The following STARD7 variants were observed in gnomAD, a reference collection of about 807,000 sequenced individuals.
The protein encoded by STARD7 is stAR-related lipid transfer protein 7, mitochondrial.
In STARD7, 30 loss-of-function variants were observed where a neutral mutation model predicts 45.3. The observed-to-expected ratio is 0.66, with a 90% confidence interval of 0.50 to 0.90. The LOEUF (loss-of-function observed/expected upper bound fraction) is 0.90, where lower values mean the gene tolerates loss of function less well. Among genes scored for constraint, STARD7 ranks in the 40% least tolerant of loss-of-function variants. The pLI is 0.00. For missense variants in STARD7, 495 were observed against 491.3 expected, an observed-to-expected ratio of 1.01 and a Z score of -0.07; for synonymous variants, 199 against 183.0, an observed-to-expected ratio of 1.09 and a Z score of -0.70.
intron 1 of STARD7, among the ~76,000 whole-genome samples, chr2:96,204,504 G>C (rs1048000534): frequency 6.6e-6 from 1 of 151,970 alleles, no homozygotes; most frequent in Non-Finnish European, 1.5e-5. Context: ...GCAGTGAGCC[G>C]AGATCATGCC....
chr2:96,195,420 A>C lies in STARD7; in HGVS notation c.420T>G (p.Arg140=), dbSNP rs138732894. The C allele has an allele frequency of 1.9e-6, 3 of 1,611,654 alleles. No individual in the cohort carries two copies. In the African/African-American group the frequency reaches 4.0e-5, roughly 21 times the overall value. ...GTTTCTTATCCATCACCATTTCCCAACGTTGCTCTTTGCCCTCTGAATCTT... is the reference window on the plus strand; with the variant it reads ...GTTTCTTATCCATCACCATTTCCCACCGTTGCTCTTTGCCCTCTGAATCTT... ...GNEDSEGKEQ[R]WEMVMDKKHF... is the part of the protein sequence containing the mutation. The change falls in exon 2 of 8, where the codon CGT becomes CGG. Residue 140 remains arginine, a synonymous_variant. Transcript: ENST00000337288.
At chr2:96,203,892 G>C (rs1214500723) in intron 1 of STARD7, among the ~76,000 whole-genome samples, 3 of 152,130 alleles carry the variant, frequency 2.0e-5, no homozygotes, top group African/African-American at 7.2e-5. Flanking sequence ...CTTGAAACCA[G>C]GAGGTGGATG....
At chr2:96,193,430 C>T in intron 3 of STARD7, 78 bp from the exon 4 acceptor site, 1 of 909,734 alleles carries the variant, frequency 1.1e-6, no homozygotes, top group Middle Eastern at 2.2e-4. Context: ...ATGCTTTGGT[C>T]TCTGATCCAA....
At chr2:96,192,889 A>C (rs1683146881) in intron 5 of STARD7, among the ~76,000 whole-genome samples, 189 bp downstream of exon 5, 1 of 152,212 alleles carries the variant, frequency 6.6e-6, no homozygotes, top group South Asian at 2.1e-4. Flanking sequence ...AGTTTAACTA[A>C]AAGCTTGTAT....
chr2:96,190,958 G>GT lies in STARD7; in HGVS notation c.843+1410dup, dbSNP rs1445078215. Among the ~76,000 whole-genome samples the GT allele has an allele frequency of 3.9e-5, 6 of 152,126 alleles. No individual in the cohort carries two copies. The East Asian group carries it at 1.2e-3, about 29-fold the overall frequency. On this transcript the variant is annotated intron_variant, in intron 6 of 7. Coordinates refer to ENST00000337288, the MANE Select transcript of STARD7 (RefSeq NM_020151.4). ...GTGGGAGGATTGCTTGAGTCCAGGA[G>GT]TTTGAGACCAGCCTGCGCAGCATGG...
chr2:96,202,221 T>C (rs1272201958), intron 1 of STARD7, among the ~76,000 whole-genome samples: 1 of 152,124 alleles, frequency 6.6e-6, no homozygotes, highest in Non-Finnish European at 1.5e-5. Flanking sequence ...ATCTTGAAGA[T>C]AACACAAAGG....
rs1386483090 is a variant in STARD7, at chr2:96,184,880, T to C, written c.*1850A>G. The C allele has an allele frequency of 3.3e-5, 5 of 152,234 alleles. No homozygotes were observed. The highest frequency in any genetic ancestry group is 1.2e-4 in the African/African-American group (5 of 41,056). 9.4% of individuals were successfully genotyped at this position (152,234 alleles called of 1,614,324 possible). A position where few individuals can be genotyped will look rare whatever the true frequency, so the allele number is the denominator to read the frequency against. ...ACACTTTTTTTTGTACCAATCTTTA[T>C]GTATTTATTCACACATTTGATAAAA... On this transcript the variant is annotated 3_prime_UTR_variant, in exon 8 of 8. Coordinates refer to ENST00000337288, the MANE Select transcript of STARD7 (RefSeq NM_020151.4).
chr2:96,190,650 AT>A (rs925248913), intron 6 of STARD7, among the ~76,000 whole-genome samples: 7 of 146,364 alleles, frequency 4.8e-5, no homozygotes, highest in South Asian at 2.2e-4. Context: ...TTTATTTTTT[AT>A]TTTTTTTTTG....
At position 96,208,477 on chromosome 2, in the gene STARD7, G is replaced by A. The variant is rs1052563052; in HGVS notation, c.-43C>T. ...CCGCCGCGAGCTTCCGGGGCCCAAG[G>A]AACCAGTCCGGAGGGGCGCAGGCGG... On this transcript the variant is annotated 5_prime_UTR_variant, in exon 1 of 8. Coordinates refer to ENST00000337288, the MANE Select transcript of STARD7 (RefSeq NM_020151.4). The A allele has an allele frequency of 7.9e-5, 107 of 1,356,466 alleles. No homozygotes were observed. The highest frequency in any genetic ancestry group is 2.7e-4 in the Middle Eastern group (1 of 3,670). 84.0% of individuals were successfully genotyped at this position (1,356,466 alleles called of 1,614,324 possible).
At chr2:96,195,840 G>T in intron 1 of STARD7, among the ~76,000 whole-genome samples, 1 of 151,914 alleles carries the variant, frequency 6.6e-6, no homozygotes, top group East Asian at 1.9e-4. Flanking sequence ...AGTGCTGCAG[G>T]GCGTGGTGGC....
At chr2:96,205,938 C>G (rs1683381417) in intron 1 of STARD7, among the ~76,000 whole-genome samples, 1 of 152,108 alleles carries the variant, frequency 6.6e-6, no homozygotes, top group South Asian at 2.1e-4. Flanking sequence ...TAAATGAGGG[C>G]CTTTACTATA....
At position 96,202,656 on chromosome 2, in the gene STARD7, T is replaced by A. The variant is rs566270518; in HGVS notation, c.290+5489A>T. Among the ~76,000 whole-genome samples the A allele has an allele frequency of 2.9e-4, 44 of 152,194 alleles. No homozygotes were observed. In the South Asian group the frequency reaches 4.8e-3, roughly 16 times the overall value. On this transcript the variant is annotated intron_variant, in intron 1 of 7. Coordinates refer to ENST00000337288, the MANE Select transcript of STARD7 (RefSeq NM_020151.4). The stretch of plus-strand genomic sequence containing the variant: ...CTTGAGTGTCATTCTTTAAAAAAAA[T>A]TTTTTTCTTCATTGCCCAAGCTGGC...
chr2:96,197,431 T>C (rs1192005843), intron 1 of STARD7, among the ~76,000 whole-genome samples: 1 of 152,096 alleles, frequency 6.6e-6, no homozygotes, highest in African/African-American at 2.4e-5. Flanking sequence ...TAAAATAAAA[T>C]AAAGTGTTTG....
In STARD7 at chr2:96,186,662, C is replaced by A; in HGVS notation, c.*68G>T. On this transcript the variant is annotated 3_prime_UTR_variant, in exon 8 of 8. Transcript: ENST00000337288. ...CTAATACATGTGGCATGTCCCCCTT[C>A]TACAGCAGAGTGATAACGGACTGAG... 7.7e-7 allele frequency: 1 copy of A among 1,296,468 alleles called. No homozygotes were observed. Among genetic ancestry groups the A allele is most frequent in the Non-Finnish European group, 1.1e-6 (1 of 944,474 alleles). 80.3% of individuals were successfully genotyped at this position (1,296,468 alleles called of 1,614,324 possible). A position where few individuals can be genotyped will look rare whatever the true frequency, so the allele number is the denominator to read the frequency against.
In STARD7 at chr2:96,208,395, T is replaced by A. The variant is rs1408067953; in HGVS notation, c.40A>T (p.Thr14Ser). The change falls in exon 1 of 8, where the codon ACG becomes TCG. Residue 14 changes from threonine to serine, a missense_variant. By Grantham distance (58) the Thr-to-Ser change is moderately conservative. Around this residue, in one of 2 missense-constraint regions of STARD7, gnomAD observed 282 missense variants for 220.1 expected, o/e 1.28. Transcript: ENST00000337288. Reference sequence around the variant, plus strand: ...AGCGCCAGCAGGCCCCCGCCCCGCGTCCCCGCCAGCCAGGCGGCCAGCAGC... The same window carrying A: ...AGCGCCAGCAGGCCCCCGCCCCGCGACCCCGCCAGCCAGGCGGCCAGCAGC... ...RRLLAAWLAG[T>S]RGGGLLALLA... 6 of 1,463,172 alleles carry A rather than the reference T, an allele frequency of 4.1e-6. No individual in the cohort carries two copies. Among genetic ancestry groups the A allele is most frequent in the Non-Finnish European group, 5.4e-6 (6 of 1,116,932 alleles). The allele number at this position is 1,463,172 out of a possible 1,614,324, so 90.6% of individuals were successfully genotyped here.
Position 96,187,226 on chromosome 2 carries a change from C to T in STARD7, c.919G>A (p.Val307Ile), listed in dbSNP as rs1291946556. 1 of 1,613,076 alleles carries T rather than the reference C, an allele frequency of 6.2e-7. No homozygotes were observed. The highest frequency in any genetic ancestry group is 2.2e-5 in the East Asian group (1 of 44,880). The change falls in exon 7 of 8, where the codon GTT (valine) becomes ATT (isoleucine). Residue 307 changes from valine (V) to isoleucine (I), a missense_variant. This residue lies in a region of STARD7 where 213 missense variants were observed against 271.2 expected (regional missense o/e 0.79). Coordinates refer to ENST00000337288, the MANE Select transcript of STARD7 (RefSeq NM_020151.4). ...VFPRYCVSWM[V>I]SSGMPDFLEK... is the part of the protein sequence containing the mutation. ...ACTTGCCCTTACTTACCACTGGAAA[C>T]CATCCAACTAACACAGTAGCGAGGA...
chr2:96,206,976 A>T (rs999403884), intron 1 of STARD7, among the ~76,000 whole-genome samples: 9 of 152,240 alleles, frequency 5.9e-5, no homozygotes, highest in African/African-American at 1.9e-4. Flanking sequence ...ACTAATAGGA[A>T]CTAGGCAAAA....
Position 96,193,279 on chromosome 2 carries a change from C to G in STARD7, c.623G>C (p.Ser208Thr), listed in dbSNP as rs762462471. The change falls in exon 4 of 8, where the codon AGT becomes ACT. Residue 208 changes from serine (S) to threonine (T), a missense_variant. By Grantham distance (58) the Ser-to-Thr change is moderately conservative. Coordinates refer to ENST00000337288, the MANE Select transcript of STARD7 (RefSeq NM_020151.4). ...TACCCAGTGAAGAACCTCGGAACCA[C>G]TAACCACATCCCTCTCAATCACCTC... ...KLEVIERDVV[S>T]GSEVLHWVTH... 3 of 1,613,970 alleles carry G rather than the reference C, an allele frequency of 1.9e-6. No individual in the cohort carries two copies. The South Asian group carries it at 3.3e-5, about 18-fold the overall frequency.
At chr2:96,187,196 T>C in intron 7 of STARD7, 21 bp downstream of exon 7, 2 of 1,578,628 alleles carry the variant, frequency 1.3e-6, no homozygotes, top group Non-Finnish European at 1.7e-6. Context: ...TTCCAGGCCC[T>C]GTATACTTGC....
Sources: allele counts gnomAD v4.1 joint callset (sites outside exome capture counted in the v4.1 genomes callset), GRCh38; gene constraint gnomAD v4.1.1; regional missense constraint gnomAD v4.1.1; transcripts MANE v1.5; gene names NCBI Gene and HGNC (gene_info 2026-07-23, HGNC 2026-07-21).